Variants in MYOM1 observed in about 807,000 individuals in gnomAD.
The protein encoded by MYOM1 is myomesin-1.
MYOM1 carries 164 observed loss-of-function variants against 205.3 expected under a neutral mutation model. That is an observed-to-expected ratio of 0.80 (90% confidence interval 0.70 to 0.91). The LOEUF (loss-of-function observed/expected upper bound fraction) is 0.91, where lower values mean the gene tolerates loss of function less well. MYOM1 is among the 40% of genes least tolerant of loss of function. MYOM1 has a pLI of 0.00. For synonymous variants in MYOM1, 772 were observed against 789.4 expected (o/e 0.98, Z 0.37); for missense variants, 2,011 against 2,127.3 (o/e 0.95, Z 1.08).
intron 37 of MYOM1, among the ~76,000 whole-genome samples, chr18:3,068,505 T>C (rs2078924022): frequency 6.6e-6 from 1 of 152,148 alleles, no homozygotes; most frequent in Non-Finnish European, 1.5e-5. Flanking sequence ...CCCCTTGCGT[T>C]GTCCTTTTAT....
chr18:3,129,499 C>CA lies in MYOM1; in HGVS notation c.2526dup (p.Val843CysfsTer8). On this transcript the variant is annotated frameshift_variant, in exon 18 of 38. Transcript: ENST00000356443. LOFTEE classifies it high-confidence loss of function. The stretch of plus-strand genomic sequence containing the variant: ...GGCTCATCGCTCAGTGCGGGACACA[C>CA]ATCTGGAGACACTCCTCCCCCTACA... 1 of 1,611,782 alleles carries CA rather than the reference C, an allele frequency of 6.2e-7. No individual in the cohort carries two copies.
intron 17 of MYOM1, among the ~76,000 whole-genome samples, chr18:3,130,255 T>A (rs1598704460): frequency 6.6e-6 from 1 of 151,962 alleles, no homozygotes; most frequent in African/African-American, 2.4e-5. Context: ...GTAGGCCAGG[T>A]TGATCTCAAA....
intron 11 of MYOM1, among the ~76,000 whole-genome samples, chr18:3,153,634 A>G (rs1316069514): frequency 2.0e-5 from 3 of 152,236 alleles, no homozygotes; most frequent in Middle Eastern, 3.2e-3. Flanking sequence ...AAATGATGAA[A>G]TGTTGTGGAA....
intron 3 of MYOM1, among the ~76,000 whole-genome samples, chr18:3,193,010 T>C (rs1318829617): frequency 2.0e-5 from 3 of 152,142 alleles, no homozygotes; most frequent in Non-Finnish European, 2.9e-5. Flanking sequence ...GGCTCATGCC[T>C]GTAATTCCAG....
the MYOM1 span, among the ~76,000 whole-genome samples, chr18:3,235,537 T>G: frequency 6.6e-6 from 1 of 152,254 alleles, no homozygotes; most frequent in South Asian, 2.1e-4. Context: ...GTTGGCCTCA[T>G]GTTTCTAAAT....
chr18:3,126,552 AT>A, intron 19 of MYOM1, 148 bp downstream of exon 19: 1 of 650,052 alleles, frequency 1.5e-6, no homozygotes, highest in African/African-American at 1.8e-5. Context: ...ACCACAGTAT[AT>A]TTTTCACAAG....
intron 2 of MYOM1, among the ~76,000 whole-genome samples, chr18:3,205,939 G>A (rs1003709351): frequency 2.0e-5 from 3 of 152,184 alleles, no homozygotes; most frequent in African/African-American, 7.2e-5. Context: ...AAGGATAAAT[G>A]TAAAACCCTT....
Position 3,090,705 on chromosome 18 carries a change from T to G in MYOM1, c.3962A>C (p.Gln1321Pro). 1 of 1,613,990 alleles carries G rather than the reference T, an allele frequency of 6.2e-7. No homozygotes were observed. Among genetic ancestry groups the G allele is most frequent in the Non-Finnish European group, 8.5e-7 (1 of 1,179,872 alleles). The change falls in exon 27 of 38, where the codon CAA (glutamine) becomes CCA (proline). Residue 1321 changes from glutamine to proline, a missense_variant. Transcript: ENST00000356443. The stretch of plus-strand genomic sequence containing the variant: ...AGAATGGTTAGTTGCTTTTCCATCT[T>G]GAAGCTGGAAAGTGTACGTTCCCTC... ...EDEGTYTFQL[Q>P]DGKATNHSTV...
intron 5 of MYOM1, among the ~76,000 whole-genome samples, chr18:3,185,889 T>A (rs1165935129): frequency 6.6e-6 from 1 of 152,294 alleles, no homozygotes; most frequent in African/African-American, 2.4e-5. Flanking sequence ...AAACTCACCA[T>A]GTGCTCCTTA....
At chr18:3,178,517 G>A (rs995019079) in intron 5 of MYOM1, among the ~76,000 whole-genome samples, 1 of 152,194 alleles carries the variant, frequency 6.6e-6, no homozygotes, top group Non-Finnish European at 1.5e-5. Flanking sequence ...AAAGGGAGAG[G>A]AAGGAAGAAT....
intron 25 of MYOM1, among the ~76,000 whole-genome samples, chr18:3,096,434 CA>C (rs929437704): frequency 6.7e-6 from 1 of 148,584 alleles, no homozygotes; most frequent in Admixed American, 7.0e-5. Flanking sequence ...GTTGCTTCTA[CA>C]ACACCCTAGA....
intron 22 of MYOM1, among the ~76,000 whole-genome samples, chr18:3,103,838 A>G (rs2079415091): frequency 6.6e-6 from 1 of 152,226 alleles, no homozygotes; most frequent in Admixed American, 6.5e-5. Flanking sequence ...CCTGAGCCTG[A>G]TAGTTGATCT....
At chr18:3,186,709 TA>T (rs1272549155) in intron 5 of MYOM1, among the ~76,000 whole-genome samples, 12 of 142,158 alleles carry the variant, frequency 8.4e-5, no homozygotes, top group Non-Finnish European at 1.8e-4. Flanking sequence ...TGCTCTCTGG[TA>T]AAAAAAATAA....
In MYOM1 at chr18:3,085,144, T is replaced by C. The variant is rs2143688243; in HGVS notation, c.4252-12A>G. ...TCTTTCTTGGAAAACTAAGGGGGAA[T>C]AGATATACCACATTGCACCTTTCGT... On this transcript the variant is annotated splice_polypyrimidine_tract_variant and intron_variant, in intron 30 of 37. Coordinates refer to ENST00000356443, the MANE Select transcript of MYOM1 (RefSeq NM_003803.4). The C allele has an allele frequency of 3.8e-6, 6 of 1,587,404 alleles. No homozygotes were observed. Among genetic ancestry groups the C allele is most frequent in the East Asian group, 2.3e-5 (1 of 43,760 alleles).
intron 20 of MYOM1, 127 bp from the exon 21 acceptor site, chr18:3,116,642 C>G: frequency 1.1e-6 from 1 of 870,262 alleles, no homozygotes; most frequent in Non-Finnish European, 1.7e-6. Context: ...TCTAGCTTTC[C>G]CATGAAAAAT....
chr18:3,084,588 A>T (rs1313163826), intron 31 of MYOM1, among the ~76,000 whole-genome samples: 1 of 152,158 alleles, frequency 6.6e-6, no homozygotes, highest in Non-Finnish European at 1.5e-5. Flanking sequence ...TCCCATGTAG[A>T]TTTTCATCAT....
rs200342421 is a variant in MYOM1 at position 3,168,806 on chromosome 18, T to G, written c.1339+11A>C. Reference sequence around the variant, plus strand: ...TAAGAACCTAAGTGAGCATTCATTGTAAAGACTCACCGTTTCTGTACCACT... The same window carrying G: ...TAAGAACCTAAGTGAGCATTCATTGGAAAGACTCACCGTTTCTGTACCACT... On this transcript the variant is annotated intron_variant, in intron 9 of 37. Coordinates refer to ENST00000356443, the MANE Select transcript of MYOM1 (RefSeq NM_003803.4). 2 of 1,613,668 alleles carry G rather than the reference T, an allele frequency of 1.2e-6. No individual in the cohort carries two copies. The highest frequency in any genetic ancestry group is 1.7e-6 in the Non-Finnish European group (2 of 1,179,658).
chr18:3,241,732 T>C, the MYOM1 span, among the ~76,000 whole-genome samples: 1 of 152,268 alleles, frequency 6.6e-6, no homozygotes, highest in East Asian at 1.9e-4. Flanking sequence ...ACTGTGTGCC[T>C]GGAAAGCAAC....
rs1258023370 is a variant in MYOM1, at chr18:3,159,951, T to C, written c.1501+4327A>G. On this transcript the variant is annotated intron_variant, in intron 10 of 37. Transcript: ENST00000356443. ...CTTCCTTCCTTCTCTCCTTCCCTCCTTCCTTCCCTGCCTGCCTTCCTTCTC... is the reference window on the plus strand; with the variant it reads ...CTTCCTTCCTTCTCTCCTTCCCTCCCTCCTTCCCTGCCTGCCTTCCTTCTC... 4.2e-5 allele frequency among the ~76,000 whole-genome samples: 6 copies of C among 142,862 alleles called. No homozygotes were observed. The Admixed American group carries it at 4.3e-4, about 10-fold the overall frequency. 93.7% of individuals were successfully genotyped at this position (142,862 alleles called of 152,430 possible).
Sources: allele counts gnomAD v4.1 joint callset (sites outside exome capture counted in the v4.1 genomes callset), GRCh38; gene constraint gnomAD v4.1.1; transcripts MANE v1.5; gene names NCBI Gene and HGNC (gene_info 2026-07-23, HGNC 2026-07-21).